Variants in KCNQ5 observed in about 807,000 individuals in gnomAD.
KCNQ5 encodes the protein potassium voltage-gated channel subfamily KQT member 5.
A neutral mutation model predicts 98.2 loss-of-function variants in KCNQ5; 30 were observed. That is an observed-to-expected ratio of 0.31 (90% CI 0.23 to 0.41). The LOEUF (loss-of-function observed/expected upper bound fraction) is 0.41, where lower values mean the gene tolerates loss of function less well. KCNQ5 is among the 10% of genes least tolerant of loss of function. The pLI, the probability that KCNQ5 is intolerant of heterozygous loss-of-function variation, is 1.00. For missense variants in KCNQ5, 835 were observed against 1,182.5 expected (o/e 0.71, Z 4.31); for synonymous variants, 458 against 449.4 (o/e 1.02, Z -0.24).
At chr6:73,154,196 T>G (rs909848857) in intron 10 of KCNQ5, among the ~76,000 whole-genome samples, 1 of 152,170 alleles carries the variant, frequency 6.6e-6, no homozygotes, top group Non-Finnish European at 1.5e-5. Context: ...ATTATAGCAT[T>G]ATCTTTTATT....
chr6:72,848,392 TC>T (rs1462295723), intron 1 of KCNQ5, among the ~76,000 whole-genome samples: 1 of 152,110 alleles, frequency 6.6e-6, no homozygotes, highest in South Asian at 2.1e-4. Flanking sequence ...TATGTGTTGT[TC>T]CCCTTAATAG....
intron 1 of KCNQ5, among the ~76,000 whole-genome samples, chr6:72,981,499 G>A (rs1422013794): frequency 3.7e-5 from 1 of 27,392 alleles, no homozygotes; most frequent in Non-Finnish European, 6.7e-5. Flanking sequence ...GGGATCGGTG[G>A]TGATATCCCC....
chr6:72,747,467 A>C (rs1285163885), intron 1 of KCNQ5, among the ~76,000 whole-genome samples: 1 of 152,188 alleles, frequency 6.6e-6, no homozygotes, highest in Non-Finnish European at 1.5e-5. Flanking sequence ...AATCGGATAA[A>C]AATTTCTCTG....
chr6:72,622,273 C>A lies in KCNQ5; in HGVS notation c.84C>A (p.Gly28=), dbSNP rs1434358563. 24 of 1,275,876 alleles carry A rather than the reference C, an allele frequency of 1.9e-5. No individual in the cohort carries two copies. The highest frequency in any genetic ancestry group is 2.4e-5 in the Non-Finnish European group (24 of 1,015,238). The allele number at this position is 1,275,876 out of a possible 1,614,324, so 79.0% of individuals were successfully genotyped here. A position where few individuals can be genotyped will look rare whatever the true frequency, so the allele number is the denominator to read the frequency against. ...GCGGCGCAGCGGCGGCGGCGGCGGG[C>A]GGGGGGCGCTTGGGCAGCGGCATGA... The part of the protein sequence containing the change: ...VKSGAAAAAA[G]GGRLGSGMKD... Residue 28 remains glycine, a synonymous_variant, in exon 1 of 14, where the codon GGC becomes GGA. Transcript: ENST00000370398. The surrounding 1 kb of genome is among the most constrained non-coding windows in gnomAD (Gnocchi z 6.0).
chr6:72,942,610 T>C (rs1171195261), intron 1 of KCNQ5, among the ~76,000 whole-genome samples: 1 of 152,206 alleles, frequency 6.6e-6, no homozygotes, highest in South Asian at 2.1e-4. Context: ...TTGGGAAAAT[T>C]TGAATACAGA....
At chr6:73,035,091 C>T (rs910538025) in intron 2 of KCNQ5, among the ~76,000 whole-genome samples, 2 of 151,944 alleles carry the variant, frequency 1.3e-5, no homozygotes, top group African/African-American at 2.4e-5. Context: ...GTGACCCACC[C>T]GCCTCGGCTT....
chr6:72,658,578 A>ATATATATATTTT (rs1226386362), intron 1 of KCNQ5, among the ~76,000 whole-genome samples: 54 of 76,366 alleles, frequency 7.1e-4, no homozygotes, highest in South Asian at 1.4e-3. Context: ...ATATATATAT[A>ATATATATATTTT]TTTTTTTTTT....
chr6:72,777,458 C>G (rs1263137319), intron 1 of KCNQ5, among the ~76,000 whole-genome samples: 1 of 152,112 alleles, frequency 6.6e-6, no homozygotes, highest in East Asian at 1.9e-4. Context: ...GAGTCTTGAG[C>G]TAGACTCCTA....
intron 1 of KCNQ5, among the ~76,000 whole-genome samples, chr6:72,768,919 T>C (rs1051839655): frequency 6.6e-6 from 1 of 152,230 alleles, no homozygotes; most frequent in African/African-American, 2.4e-5. Context: ...CACTTCACAA[T>C]TGGAGCTATC....
chr6:72,813,954 G>A (rs1369143413), intron 1 of KCNQ5, among the ~76,000 whole-genome samples: 1 of 152,132 alleles, frequency 6.6e-6, no homozygotes, highest in East Asian at 1.9e-4. Flanking sequence ...GCAGTGGCTG[G>A]ACTATGAGTT....
At chr6:72,859,436 TC>T (rs35892446) in intron 1 of KCNQ5, among the ~76,000 whole-genome samples, 59,859 of 151,946 alleles carry the variant, frequency 0.39, 12,836 homozygotes, top group South Asian at 0.5. Context: ...CGTATTTTTT[TC>T]AATTTGCCTA....
chr6:72,709,067 C>T (rs745583043), intron 1 of KCNQ5, among the ~76,000 whole-genome samples: 25 of 152,142 alleles, frequency 1.6e-4, no homozygotes, highest in Non-Finnish European at 3.2e-4. Flanking sequence ...TTTTGTTGAA[C>T]TCCTGTCCTC....
rs535071719 is a variant in KCNQ5, at chr6:73,177,600, G to C, written c.1577+7746G>C. Among the ~76,000 whole-genome samples the C allele has an allele frequency of 9.8e-5, 15 of 152,300 alleles. No individual in the cohort carries two copies. In the East Asian group the frequency reaches 2.9e-3, roughly 29 times the overall value. The stretch of plus-strand genomic sequence containing the variant: ...CAGGCAAGAATACTCCGCAAGTAAA[G>C]AAGAGGCACGTGTTTGCCATTGCGG... On this transcript the variant is annotated intron_variant, in intron 11 of 13. Coordinates refer to ENST00000370398, the MANE Select transcript of KCNQ5 (RefSeq NM_019842.4).
intron 1 of KCNQ5, among the ~76,000 whole-genome samples, chr6:72,783,149 G>T (rs940945411): frequency 6.6e-6 from 1 of 152,130 alleles, no homozygotes; most frequent in Non-Finnish European, 1.5e-5. Context: ...GAGGATGAAT[G>T]GGCATTTCCT....
At chr6:73,024,402 G>GATAGATAGATAGATAGATAGATAGATAT (rs1770776527) in intron 2 of KCNQ5, among the ~76,000 whole-genome samples, 1 of 151,688 alleles carries the variant, frequency 6.6e-6, no homozygotes. Flanking sequence ...TAGATAGATA[G>GATAGATAGATAGATAGATAGATAGATAT]ATAGATAGAT....
intron 1 of KCNQ5, chr6:72,677,297 G>A (rs987017532): frequency 6.6e-6 from 1 of 152,182 alleles, no homozygotes; most frequent in African/African-American, 2.4e-5. Context: ...TGGTGAGATT[G>A]ATTATCTTTA....
intron 9 of KCNQ5, among the ~76,000 whole-genome samples, chr6:73,133,182 C>T (rs898654296): frequency 4.0e-5 from 6 of 151,598 alleles, no homozygotes; most frequent in Non-Finnish European, 7.4e-5. Context: ...TCAGTCTTTT[C>T]TACAATGAAT....
chr6:72,883,859 G>C (rs1390587169), intron 1 of KCNQ5, among the ~76,000 whole-genome samples: 1 of 152,154 alleles, frequency 6.6e-6, no homozygotes, highest in Non-Finnish European at 1.5e-5. Flanking sequence ...AGATTAAGAA[G>C]AGTGAGGTGG....
chr6:73,055,061 G>A, intron 3 of KCNQ5: 1 of 636,158 alleles, frequency 1.6e-6, no homozygotes. Flanking sequence ...CAAGCTGAGA[G>A]CCAAATCAAG....
Sources: allele counts gnomAD v4.1 joint callset (sites outside exome capture counted in the v4.1 genomes callset), GRCh38; gene constraint gnomAD v4.1.1; non-coding constraint Gnocchi (gnomAD v3.1); transcripts MANE v1.5; gene names NCBI Gene and HGNC (gene_info 2026-07-23, HGNC 2026-07-21).